The following AK9 variants were observed in gnomAD, a reference collection of about 807,000 sequenced individuals.
The protein encoded by AK9 is adenylate kinase 9.
Under a neutral mutation model 239.6 loss-of-function variants are expected in AK9, and 191 were observed. The ratio of observed to expected loss-of-function variants is 0.80; its 90% confidence interval spans 0.71 to 0.90. AK9 has a LOEUF of 0.90. Among genes scored for constraint, AK9 ranks in the 40% least tolerant of loss-of-function variants. AK9 has a pLI of 0.00. For synonymous variants in AK9, 689 were observed against 721.0 expected (o/e 0.96, Z 0.71); for missense variants, 1,995 against 2,214.7 (o/e 0.90, Z 1.99).
intron 10 of AK9, among the ~76,000 whole-genome samples, chr6:109,640,371 G>A (rs973084509): frequency 3.3e-5 from 5 of 152,036 alleles, no homozygotes; most frequent in Admixed American, 6.6e-5. Flanking sequence ...GGAAATCCCC[G>A]GACCCCTTGC....
intron 24 of AK9, among the ~76,000 whole-genome samples, chr6:109,552,484 G>T (rs571133497): frequency 3.2e-4 from 49 of 152,204 alleles, no homozygotes; most frequent in Non-Finnish European, 6.2e-4. Context: ...CATGTTTGCT[G>T]CCCACATAAA....
At chr6:109,559,302 G>A (rs934790839) in intron 24 of AK9, among the ~76,000 whole-genome samples, 20 of 152,202 alleles carry the variant, frequency 1.3e-4, no homozygotes, top group Admixed American at 3.9e-4. Flanking sequence ...CGAGTAGCTG[G>A]GACTACAGGT....
intron 1 of AK9, among the ~76,000 whole-genome samples, chr6:109,676,788 T>C (rs1470524399): frequency 6.6e-6 from 1 of 152,048 alleles, no homozygotes. Flanking sequence ...TTTGCACACA[T>C]GCACACATAT....
Position 109,533,294 on chromosome 6 carries a change from A to C in AK9, c.3527T>G (p.Leu1176Ter). 6.2e-7 allele frequency: 1 copy of C among 1,610,760 alleles called. No homozygotes were observed. The highest frequency in any genetic ancestry group is 2.2e-5 in the East Asian group (1 of 44,820). Reference protein sequence around the residue: ...EKWKLKQKKKLERKKLIKDMK... With the variant: ...EKWKLKQKKK ...GTCTTTGATCAGTTTCTTCCTTTCT[A>C]ATTTCTTCTTTTGTTTTAGTTTCCA... is the stretch of plus-strand genomic sequence containing the variant. Residue 1176 changes from leucine (L) to a stop codon, truncating the protein, a stop_gained, in exon 28 of 41, where the codon TTA (leucine) becomes TGA (stop). Transcript: ENST00000424296. LOFTEE classifies it high-confidence loss of function.
At chr6:109,599,252 T>C (rs552977881) in intron 17 of AK9, among the ~76,000 whole-genome samples, 237 of 152,342 alleles carry the variant, frequency 1.6e-3, no homozygotes, top group Admixed American at 5.0e-3. Context: ...AATTTTTGTA[T>C]AAGGTGTAAG....
At chr6:109,556,569 A>G (rs1191523111) in intron 24 of AK9, among the ~76,000 whole-genome samples, 1 of 152,024 alleles carries the variant, frequency 6.6e-6, no homozygotes, top group East Asian at 1.9e-4. Flanking sequence ...TAGATTGAGG[A>G]AGTTCTCCTG....
intron 18 of AK9, 104 bp downstream of exon 18, chr6:109,585,812 G>A: frequency 9.2e-7 from 1 of 1,083,600 alleles, no homozygotes; most frequent in Non-Finnish European, 1.3e-6. Flanking sequence ...GCTGGGGTGG[G>A]TATTTCTATC....
chr6:109,639,103 A>G (rs1583367717), intron 10 of AK9, among the ~76,000 whole-genome samples: 1 of 152,202 alleles, frequency 6.6e-6, no homozygotes, highest in African/African-American at 2.4e-5. Context: ...ATAGTGCTGC[A>G]ATAAACATAG....
At chr6:109,523,982 C>T (rs1369178858) in intron 29 of AK9, among the ~76,000 whole-genome samples, 1 of 152,104 alleles carries the variant, frequency 6.6e-6, no homozygotes, top group Non-Finnish European at 1.5e-5. Flanking sequence ...TCCAAAGTTA[C>T]TCAAAATATG....
chr6:109,626,890 C>T (rs1178970421), intron 12 of AK9, among the ~76,000 whole-genome samples: 1 of 152,130 alleles, frequency 6.6e-6, no homozygotes, highest in Non-Finnish European at 1.5e-5. Flanking sequence ...CTGTATACTA[C>T]TATAGACTTT....
intron 35 of AK9, among the ~76,000 whole-genome samples, chr6:109,506,110 G>A (rs760237143): frequency 4.6e-5 from 7 of 152,014 alleles, no homozygotes; most frequent in African/African-American, 1.2e-4. Context: ...CTGGGGATTC[G>A]GTTTCAGCAT....
At chr6:109,536,589 A>C (rs1310438871) in intron 27 of AK9, among the ~76,000 whole-genome samples, 10 of 152,018 alleles carry the variant, frequency 6.6e-5, no homozygotes, top group Non-Finnish European at 2.9e-5. Context: ...ACTGAATACC[A>C]TTTATTTCTT....
At position 109,529,067 on chromosome 6, in the gene AK9, T is replaced by C. The variant is rs758500412; in HGVS notation, c.3577A>G (p.Thr1193Ala). Residue 1193 changes from threonine to alanine, a missense_variant, in exon 29 of 41, where the codon ACG becomes GCG. By Grantham distance (58) the Thr-to-Ala change is moderately conservative (BLOSUM62 0). This residue lies in a region of AK9 where 1,290 missense variants were observed against 1,392.7 expected (regional missense o/e 0.93). Transcript: ENST00000424296. The stretch of plus-strand genomic sequence containing the variant: ...AGTTCAGCCCTTCTTTTAGCAATCG[T>C]ATCAACCTGTTAAAGAAAGAGACAT... ...KDMKAKIRVD[T>A]IAKRRAELIL... is the part of the protein sequence containing the mutation. The C allele has an allele frequency of 3.2e-6, 5 of 1,573,190 alleles. No homozygotes were observed. In the African/African-American group the frequency reaches 4.1e-5, roughly 13 times the overall value.
At chr6:109,587,331 T>C (rs768378063) in intron 17 of AK9, among the ~76,000 whole-genome samples, 6 of 152,238 alleles carry the variant, frequency 3.9e-5, no homozygotes, top group Non-Finnish European at 8.8e-5. Flanking sequence ...AACATTGAGA[T>C]ATAACTTATA....
intron 7 of AK9, among the ~76,000 whole-genome samples, chr6:109,657,345 T>C (rs1437695614): frequency 1.3e-5 from 2 of 152,036 alleles, no homozygotes; most frequent in Non-Finnish European, 2.9e-5. Flanking sequence ...GAAGGCAGCA[T>C]AAACAAGTAC....
At chr6:109,682,090 A>G (rs1160944851) in intron 1 of AK9, among the ~76,000 whole-genome samples, 1 of 152,162 alleles carries the variant, frequency 6.6e-6, no homozygotes, top group African/African-American at 2.4e-5. Context: ...CTAAGATGAG[A>G]GCAGAACTGA....
intron 39 of AK9, among the ~76,000 whole-genome samples, chr6:109,494,301 A>G (rs567225386): frequency 2.0e-5 from 3 of 152,374 alleles, no homozygotes; most frequent in South Asian, 4.1e-4. Flanking sequence ...GAAAATTACA[A>G]ACTGACTTAG....
At position 109,662,483 on chromosome 6, in the gene AK9, A is replaced by G. The variant is rs570828080; in HGVS notation, c.444+68T>C. 58 of 1,247,794 alleles carry G rather than the reference A, an allele frequency of 4.6e-5. No homozygotes were observed. In the African/African-American group the frequency reaches 7.8e-4, roughly 17 times the overall value. The allele number at this position is 1,247,794 out of a possible 1,614,324, so 77.3% of individuals were successfully genotyped here. ...ATAACTATTTAAAAATGTTTAAAGC[A>G]TTCCTTGAATTTAACTACTATCAAA... On this transcript the variant is annotated intron_variant, in intron 6 of 40. Coordinates refer to ENST00000424296, the MANE Select transcript of AK9 (RefSeq NM_001145128.3).
At chr6:109,565,825 G>A (rs1786412771) in intron 21 of AK9, among the ~76,000 whole-genome samples, 1 of 152,030 alleles carries the variant, frequency 6.6e-6, no homozygotes, top group African/African-American at 2.4e-5. Context: ...TCTGCAACAC[G>A]GTGGAAACTG....
Sources: allele counts gnomAD v4.1 joint callset (sites outside exome capture counted in the v4.1 genomes callset), GRCh38; gene constraint gnomAD v4.1.1; regional missense constraint gnomAD v4.1.1; transcripts MANE v1.5; gene names NCBI Gene and HGNC (gene_info 2026-07-23, HGNC 2026-07-21).